Variants in TOX observed in about 807,000 individuals in gnomAD.
The protein encoded by TOX is thymocyte selection-associated high mobility group box protein TOX.
A neutral mutation model predicts 53.7 loss-of-function variants in TOX; 11 were observed. The observed-to-expected ratio is 0.20, with a 90% CI of 0.13 to 0.34. The LOEUF is 0.34. Among genes scored for constraint, TOX ranks in the 10% least tolerant of loss-of-function variants. TOX has a pLI of 1.00. For synonymous variants in TOX, 225 were observed against 245.3 expected, an observed-to-expected ratio of 0.92 and a Z score of 0.77; for missense variants, 570 against 664.6, an observed-to-expected ratio of 0.86 and a Z score of 1.56.
chr8:58,832,507 A>G (rs1810478852), intron 5 of TOX, among the ~76,000 whole-genome samples: 2 of 152,196 alleles, frequency 1.3e-5, no homozygotes, highest in South Asian at 4.1e-4. Flanking sequence ...ATCAGAAGAT[A>G]AAGGGGAAAA....
chr8:59,043,157 T>C (rs1032671534), intron 1 of TOX, among the ~76,000 whole-genome samples: 1 of 151,980 alleles, frequency 6.6e-6, no homozygotes, highest in Non-Finnish European at 1.5e-5. Context: ...ACTGGATCCA[T>C]ATTTATCTCA....
At position 58,830,943 on chromosome 8, in the gene TOX, G is replaced by T. The variant is rs189625002; in HGVS notation, c.925-4041C>A. Among the ~76,000 whole-genome samples, 293 of 152,220 alleles carry T rather than the reference G, an allele frequency of 1.9e-3. 3 individuals carry two copies. Among genetic ancestry groups the T allele is most frequent in the African/African-American group, 6.8e-3 (284 of 41,548 alleles). ...ATTTTCAGCTTCTTTCAAGGCTGTT[G>T]TTATTTAGGTCAGTTAGAGCAAGTG... On this transcript the variant is annotated intron_variant, in intron 5 of 8. Coordinates refer to ENST00000361421, the MANE Select transcript of TOX (RefSeq NM_014729.3).
chr8:59,051,995 A>G (rs1042480680), intron 1 of TOX, among the ~76,000 whole-genome samples: 2 of 152,134 alleles, frequency 1.3e-5, no homozygotes, highest in African/African-American at 4.8e-5. Flanking sequence ...TTTCTTTTGG[A>G]ATCATATCCC....
At position 58,808,134 on chromosome 8, in the gene TOX, C is replaced by G; in HGVS notation, c.1528G>C (p.Asp510His). Residue 510 changes from aspartate (D) to histidine (H), a missense_variant, in exon 8 of 9, where the codon GAC (aspartate) becomes CAC (histidine). By Grantham distance (81) the Asp-to-His change is moderately conservative. Around this residue, in one of 3 missense-constraint regions of TOX, gnomAD observed 239 missense variants for 250.7 expected, o/e 0.95. Coordinates refer to ENST00000361421, the MANE Select transcript of TOX (RefSeq NM_014729.3). ...GCCGCTTACCCACTACTGCAGTAGT[C>G]GTTATTCCAGTCCACCGGTTGTGGG... is the stretch of plus-strand genomic sequence containing the variant. ...PPPQPVDWNN[D>H]YCSSGGMQRD... 6.2e-7 allele frequency: 1 copy of G among 1,613,282 alleles called. No individual in the cohort carries two copies. The highest frequency in any genetic ancestry group is 8.5e-7 in the Non-Finnish European group (1 of 1,179,580).
At chr8:58,897,495 T>C (rs566182180) in intron 3 of TOX, among the ~76,000 whole-genome samples, 2 of 152,330 alleles carry the variant, frequency 1.3e-5, no homozygotes, top group South Asian at 4.1e-4. Flanking sequence ...GAGAAATTTA[T>C]CACTCAAAAT....
At chr8:59,060,191 C>T (rs1272805194) in intron 1 of TOX, among the ~76,000 whole-genome samples, 1 of 152,122 alleles carries the variant, frequency 6.6e-6, no homozygotes, top group Admixed American at 6.5e-5. Context: ...TGTTTAATTC[C>T]ATCAAGACAA....
intron 3 of TOX, among the ~76,000 whole-genome samples, chr8:58,871,246 C>A (rs1811192292): frequency 1.3e-5 from 2 of 150,506 alleles, no homozygotes; most frequent in African/African-American, 4.9e-5. Flanking sequence ...GGTTGCCATG[C>A]ATCAGGAAGG....
Position 58,815,741 on chromosome 8 carries a change from T to C in TOX, c.1006-17A>G, listed in dbSNP as rs771509461. 1.7e-5 allele frequency: 27 copies of C among 1,586,728 alleles called. No homozygotes were observed. Among genetic ancestry groups the C allele is most frequent in the East Asian group, 2.2e-5 (1 of 44,666 alleles). ...ACTGTAGCTCTGTTGAGGAAATAAA[T>C]GAGCAGAGTTGGGAGGCTGATACAT... On this transcript the variant is annotated splice_polypyrimidine_tract_variant and intron_variant, in intron 6 of 8. Coordinates refer to ENST00000361421, the MANE Select transcript of TOX (RefSeq NM_014729.3).
chr8:58,839,014 A>G (rs180749372), intron 4 of TOX, among the ~76,000 whole-genome samples: 77 of 152,202 alleles, frequency 5.1e-4, no homozygotes, highest in African/African-American at 1.7e-3. Context: ...TTGTCTTTCT[A>G]ATTATGGCTT....
In TOX at chr8:58,912,708, C is replaced by T. The variant is rs1399234404; in HGVS notation, c.411+26594G>A. ...CCCCACGGCTCAGGAGTGAACTCACCTTTCTAGACCCAGTGGTGCACATGG... is the reference window on the plus strand; with the variant it reads ...CCCCACGGCTCAGGAGTGAACTCACTTTTCTAGACCCAGTGGTGCACATGG... On this transcript the variant is annotated intron_variant, in intron 3 of 8. Transcript: ENST00000361421. Among the ~76,000 whole-genome samples, 3 of 152,190 alleles carry T rather than the reference C, an allele frequency of 2.0e-5. 1 individual carries two copies. Among genetic ancestry groups the T allele is most frequent in the Admixed American group, 2.0e-4 (3 of 15,280 alleles).
intron 3 of TOX, among the ~76,000 whole-genome samples, chr8:58,882,534 G>T (rs991317938): frequency 3.3e-5 from 5 of 152,182 alleles, no homozygotes; most frequent in African/African-American, 1.2e-4. Flanking sequence ...GCTTTGCTCT[G>T]CAATTGTCTA....
At chr8:59,021,206 A>T (rs1814122107) in intron 1 of TOX, among the ~76,000 whole-genome samples, 1 of 150,854 alleles carries the variant, frequency 6.6e-6, no homozygotes, top group Non-Finnish European at 1.5e-5. Flanking sequence ...TAACAAAGGG[A>T]TAATTCATTC....
intron 4 of TOX, among the ~76,000 whole-genome samples, chr8:58,838,775 C>T (rs1180724434): frequency 7.3e-6 from 1 of 137,864 alleles, no homozygotes; most frequent in African/African-American, 2.8e-5. Context: ...GATCTCAGCT[C>T]ACTGCAACCT....
intron 1 of TOX, among the ~76,000 whole-genome samples, chr8:59,014,718 A>G (rs1813977262): frequency 6.6e-6 from 1 of 152,198 alleles, no homozygotes. Context: ...TACTGTATTT[A>G]TTTTTAGCAT....
At chr8:59,017,595 T>C (rs924761352) in intron 1 of TOX, among the ~76,000 whole-genome samples, 1 of 152,208 alleles carries the variant, frequency 6.6e-6, no homozygotes, top group Non-Finnish European at 1.5e-5. Flanking sequence ...CTAGATCTCT[T>C]AGAAGAAACA....
At chr8:58,891,656 C>T (rs533853946) in intron 3 of TOX, among the ~76,000 whole-genome samples, 1 of 152,220 alleles carries the variant, frequency 6.6e-6, no homozygotes, top group African/African-American at 2.4e-5. Context: ...GAAAGAGTTT[C>T]TGTTAGATAA....
At chr8:58,966,711 C>T (rs1022961015) in intron 1 of TOX, among the ~76,000 whole-genome samples, 1 of 152,004 alleles carries the variant, frequency 6.6e-6, no homozygotes, top group Non-Finnish European at 1.5e-5. Context: ...TAATACTATG[C>T]ATTTATCCTA....
intron 3 of TOX, among the ~76,000 whole-genome samples, chr8:58,897,487 G>A (rs1811670951): frequency 6.6e-6 from 1 of 152,158 alleles, no homozygotes; most frequent in South Asian, 2.1e-4. Flanking sequence ...ATTGTAAAGA[G>A]AAATTTATCA....
chr8:58,809,343 G>A (rs547725990), intron 7 of TOX, among the ~76,000 whole-genome samples: 7 of 152,296 alleles, frequency 4.6e-5, no homozygotes, highest in African/African-American at 1.4e-4. Flanking sequence ...ATGACAGGAG[G>A]ATTGATTTTT....
Sources: allele counts gnomAD v4.1 joint callset (sites outside exome capture counted in the v4.1 genomes callset), GRCh38; gene constraint gnomAD v4.1.1; regional missense constraint gnomAD v4.1.1; transcripts MANE v1.5; gene names NCBI Gene and HGNC (gene_info 2026-07-23, HGNC 2026-07-21).